SMIM10L3: variants seen among roughly 807,000 people sequenced by gnomAD.
SMIM10L3 encodes salivary gland specific protein SAGSIN1.
At chr7:6,340,077 G>A in the SMIM10L3 span, among the ~76,000 whole-genome samples, 1 of 151,652 alleles carries the variant, frequency 6.6e-6, no homozygotes, top group Non-Finnish European at 1.5e-5. Flanking sequence ...TAGAGATGGG[G>A]TTTCTCCATG....
At chr7:6,348,441 CG>C in the SMIM10L3 span, 3,623 of 397,214 alleles carry the variant, frequency 9.1e-3, 128 homozygotes, top group African/African-American at 0.066. Flanking sequence ...AAAGTAGGGT[CG>C]CACGGGAAAA....
chr7:6,348,238 G>GGGT, the SMIM10L3 span, among the ~76,000 whole-genome samples: 7 of 151,074 alleles, frequency 4.6e-5, no homozygotes, highest in Non-Finnish European at 7.4e-5. Context: ...AATAAGGGGG[G>GGGT]GGGTTGCAAA....
At chr7:6,333,772 C>CTT in the SMIM10L3 span, among the ~76,000 whole-genome samples, 424 of 125,064 alleles carry the variant, frequency 3.4e-3, 4 homozygotes, top group African/African-American at 0.012. Context: ...GAACAAGTGT[C>CTT]TTTTTTTTTT....
chr7:6,333,304 G>A, the SMIM10L3 span, among the ~76,000 whole-genome samples: 1 of 152,130 alleles, frequency 6.6e-6, no homozygotes. Context: ...CCGGTGATTG[G>A]AGCCAGCCGA....
At chr7:6,343,158 C>G in the SMIM10L3 span, among the ~76,000 whole-genome samples, 1 of 151,506 alleles carries the variant, frequency 6.6e-6, no homozygotes, top group Non-Finnish European at 1.5e-5. Flanking sequence ...GGGTGGATCC[C>G]CTGAGGTCAG....
the SMIM10L3 span, among the ~76,000 whole-genome samples, chr7:6,348,071 C>T: frequency 1.3e-5 from 2 of 151,536 alleles, no homozygotes; most frequent in East Asian, 1.9e-4. Flanking sequence ...CCACCACGCC[C>T]GGCTAATTCT....
the SMIM10L3 span, among the ~76,000 whole-genome samples, chr7:6,347,852 G>A: frequency 1.3e-5 from 2 of 150,300 alleles, no homozygotes; most frequent in South Asian, 2.1e-4. Context: ...CCAGGAGTTC[G>A]AGACCAGCCT....
At chr7:6,343,813 A>C in the SMIM10L3 span, among the ~76,000 whole-genome samples, 1 of 152,068 alleles carries the variant, frequency 6.6e-6, no homozygotes, top group Non-Finnish European at 1.5e-5. Context: ...GGGGCTCCCT[A>C]AACAAATTTG....
chr7:6,336,440 G>C, the SMIM10L3 span, among the ~76,000 whole-genome samples: 25 of 152,170 alleles, frequency 1.6e-4, no homozygotes, highest in African/African-American at 5.8e-4. Context: ...CAACACTTTG[G>C]GAGGCCATGG....
chr7:6,343,995 C>G, the SMIM10L3 span, among the ~76,000 whole-genome samples: 1 of 152,262 alleles, frequency 6.6e-6, no homozygotes, highest in East Asian at 1.9e-4. Context: ...AGGTGATCCT[C>G]CCACCTCAGC....
the SMIM10L3 span, among the ~76,000 whole-genome samples, chr7:6,334,250 G>C: frequency 2.6e-5 from 4 of 151,032 alleles, no homozygotes; most frequent in Non-Finnish European, 4.4e-5. Context: ...TAAAGTTGTT[G>C]ACTGGCTGGG....
At chr7:6,337,119 T>C in the SMIM10L3 span, among the ~76,000 whole-genome samples, 123 of 151,888 alleles carry the variant, frequency 8.1e-4, 2 homozygotes, top group East Asian at 0.022. Context: ...TCGCCCAGGC[T>C]GGAGTGCAGT....
At chr7:6,346,574 T>C in the SMIM10L3 span, among the ~76,000 whole-genome samples, 3 of 151,970 alleles carry the variant, frequency 2.0e-5, no homozygotes, top group Non-Finnish European at 4.4e-5. Context: ...AGAGACAGGG[T>C]TTCACCCTGT....
chr7:6,334,273 C>T, the SMIM10L3 span, among the ~76,000 whole-genome samples: 3,439 of 151,262 alleles, frequency 0.023, 66 homozygotes, highest in Middle Eastern at 0.051. Context: ...CAGTGGCTCA[C>T]GCCTGTAATC....
the SMIM10L3 span, among the ~76,000 whole-genome samples, chr7:6,345,702 G>A: frequency 7.2e-5 from 11 of 152,066 alleles, no homozygotes; most frequent in Non-Finnish European, 1.3e-4. Context: ...GCCAAATACA[G>A]CCTGTAGACA....
chr7:6,334,769 ATAGT>A, the SMIM10L3 span, among the ~76,000 whole-genome samples: 424 of 146,744 alleles, frequency 2.9e-3, 2 homozygotes, highest in Non-Finnish European at 4.9e-3. Context: ...CCCAGCCTGG[ATAGT>A]TAGTTAGTTA....
the SMIM10L3 span, among the ~76,000 whole-genome samples, chr7:6,338,858 GGGA>G: frequency 6.6e-6 from 1 of 152,202 alleles, no homozygotes; most frequent in Non-Finnish European, 1.5e-5. Context: ...AGTCCCAAAG[GGGA>G]GAAGACACAG....
At chr7:6,344,558 A>G in the SMIM10L3 span, among the ~76,000 whole-genome samples, 1 of 152,034 alleles carries the variant, frequency 6.6e-6, no homozygotes, top group Middle Eastern at 3.2e-3. Flanking sequence ...AGCTGGGACT[A>G]TAGGCATGCA....
At chr7:6,330,150 C>T in the SMIM10L3 span, 2 of 548,560 alleles carry the variant, frequency 3.6e-6, no homozygotes, top group South Asian at 2.4e-5. Context: ...AAATGTTTCC[C>T]AATTCTTTAT....
Sources: gnomAD v4.1 joint callset for allele counts (sites outside exome capture counted in the v4.1 genomes callset) on GRCh38, gnomAD v4.1.1 for gene constraint, MANE v1.5 for transcripts, NCBI Gene and HGNC (gene_info 2026-07-23, HGNC 2026-07-21) for gene names.